The following CDH12 variants were observed in gnomAD, a reference collection of about 807,000 sequenced individuals.
The protein encoded by CDH12 is cadherin-12.
Under a neutral mutation model 74.1 loss-of-function variants are expected in CDH12, and 41 were observed. The observed-to-expected ratio is 0.55, with a 90% CI of 0.43 to 0.72. The LOEUF is 0.72. Among genes scored for constraint, CDH12 ranks in the 30% least tolerant of loss-of-function variants. The pLI is 0.00. For synonymous variants in CDH12, 399 were observed against 355.0 expected (o/e 1.12, Z -1.39); for missense variants, 945 against 977.2 (o/e 0.97, Z 0.44).
At chr5:21,797,931 C>T (rs1433080317) in intron 10 of CDH12, among the ~76,000 whole-genome samples, 1 of 152,162 alleles carries the variant, frequency 6.6e-6, no homozygotes, top group Non-Finnish European at 1.5e-5. Context: ...AATTAAACAA[C>T]ATAGCATGTT....
At chr5:22,267,390 T>G (rs1736173198) in intron 3 of CDH12, among the ~76,000 whole-genome samples, 1 of 152,212 alleles carries the variant, frequency 6.6e-6, no homozygotes, top group South Asian at 2.1e-4. Context: ...TTATGATTAG[T>G]GAATTGGTTA....
chr5:21,785,344 G>T (rs1218779609), intron 10 of CDH12, among the ~76,000 whole-genome samples: 1 of 152,112 alleles, frequency 6.6e-6, no homozygotes, highest in Non-Finnish European at 1.5e-5. Flanking sequence ...TTCTACAGTG[G>T]CCTCTAACTG....
intron 2 of CDH12, among the ~76,000 whole-genome samples, chr5:22,434,165 T>A (rs1230161738): frequency 6.6e-6 from 1 of 151,794 alleles, no homozygotes. Context: ...ATACAAACTC[T>A]ATAGAGTGTT....
intron 1 of CDH12, among the ~76,000 whole-genome samples, chr5:22,769,227 C>T (rs181965907): frequency 1.3e-5 from 2 of 152,130 alleles, no homozygotes; most frequent in Non-Finnish European, 2.9e-5. Context: ...AGAGAAAGAC[C>T]CACCCTTAAT....
At chr5:22,506,265 T>G (rs906379344) in intron 1 of CDH12, among the ~76,000 whole-genome samples, 4 of 151,814 alleles carry the variant, frequency 2.6e-5, no homozygotes, top group African/African-American at 9.7e-5. Flanking sequence ...TATTTGAAAT[T>G]TTCTGAGAGA....
intron 3 of CDH12, among the ~76,000 whole-genome samples, chr5:22,280,106 T>C (rs1445068332): frequency 1.3e-5 from 2 of 152,206 alleles, no homozygotes; most frequent in East Asian, 3.9e-4. Context: ...GTGGTTTTGA[T>C]TTGCATTTCT....
At chr5:22,000,239 G>C (rs554888053) in intron 5 of CDH12, among the ~76,000 whole-genome samples, 1 of 152,256 alleles carries the variant, frequency 6.6e-6, no homozygotes, top group Non-Finnish European at 1.5e-5. Flanking sequence ...TGGGATTACA[G>C]GTGTGAGCCA....
chr5:21,873,008 A>C (rs1751727724), intron 6 of CDH12, among the ~76,000 whole-genome samples: 1 of 152,090 alleles, frequency 6.6e-6, no homozygotes, highest in African/African-American at 2.4e-5. Flanking sequence ...ATATATATGC[A>C]TATATAGTAT....
At chr5:22,823,168 G>A (rs1034725115) in intron 1 of CDH12, among the ~76,000 whole-genome samples, 2 of 148,316 alleles carry the variant, frequency 1.3e-5, no homozygotes, top group East Asian at 4.2e-4. Flanking sequence ...TCACTCATAG[G>A]TGGGAATTGA....
intron 1 of CDH12, among the ~76,000 whole-genome samples, chr5:22,807,886 A>T (rs936356659): frequency 6.6e-6 from 1 of 152,224 alleles, no homozygotes; most frequent in African/African-American, 2.4e-5. Flanking sequence ...ATTACTGTAC[A>T]TGATGTAGAC....
At chr5:21,851,508 G>A (rs1750466541) in intron 7 of CDH12, among the ~76,000 whole-genome samples, 1 of 150,404 alleles carries the variant, frequency 6.6e-6, no homozygotes, top group South Asian at 2.1e-4. Flanking sequence ...ACATTTTAAT[G>A]TTTTATAAAT....
intron 5 of CDH12, among the ~76,000 whole-genome samples, chr5:22,019,923 C>T (rs1580122183): frequency 1.3e-5 from 2 of 152,116 alleles, no homozygotes; most frequent in Admixed American, 1.3e-4. Flanking sequence ...CACTAAGTCT[C>T]AAAGTGTGTA....
chr5:21,752,523 G>A (rs989345328), intron 14 of CDH12, among the ~76,000 whole-genome samples: 2 of 152,096 alleles, frequency 1.3e-5, no homozygotes, highest in African/African-American at 4.8e-5. Context: ...AAGAAAAAAG[G>A]AAATAGTAGT....
chr5:21,936,173 T>C (rs1486046451), intron 6 of CDH12, among the ~76,000 whole-genome samples: 1 of 152,080 alleles, frequency 6.6e-6, no homozygotes, highest in Non-Finnish European at 1.5e-5. Flanking sequence ...TCCAGACTGT[T>C]CTCCTTAAGG....
At chr5:22,533,084 T>C (rs943009919) in intron 1 of CDH12, among the ~76,000 whole-genome samples, 3 of 152,124 alleles carry the variant, frequency 2.0e-5, no homozygotes, top group African/African-American at 7.2e-5. Context: ...CACCCTGTCT[T>C]TGTTATTTTT....
intron 1 of CDH12, among the ~76,000 whole-genome samples, chr5:22,756,096 C>A (rs1745884806): frequency 9.7e-6 from 1 of 103,414 alleles, no homozygotes. Context: ...ACTTCAAGGA[C>A]CGAAAAAAAA....
At chr5:22,384,365 A>C (rs570075385) in intron 3 of CDH12, among the ~76,000 whole-genome samples, 1 of 151,020 alleles carries the variant, frequency 6.6e-6, no homozygotes, top group Admixed American at 6.6e-5. Context: ...TCTACTAAAA[A>C]TACAAAAAAA....
intron 4 of CDH12, among the ~76,000 whole-genome samples, chr5:22,140,832 T>C (rs1746749357): frequency 6.6e-6 from 1 of 152,098 alleles, no homozygotes; most frequent in South Asian, 2.1e-4. Flanking sequence ...TGCATTCTAG[T>C]GCTACACAGA....
chr5:22,794,952 CAT>C (rs752321372), intron 1 of CDH12, among the ~76,000 whole-genome samples: 20 of 150,506 alleles, frequency 1.3e-4, no homozygotes, highest in African/African-American at 3.2e-4. Flanking sequence ...ATACATATGT[CAT>C]ATATATATAT....
Sources: allele counts gnomAD v4.1 joint callset (sites outside exome capture counted in the v4.1 genomes callset), GRCh38; gene constraint gnomAD v4.1.1; transcripts MANE v1.5; gene names NCBI Gene and HGNC (gene_info 2026-07-23, HGNC 2026-07-21).